The following STK40 variants were observed in gnomAD, a reference collection of about 807,000 sequenced individuals.
STK40 encodes the protein serine/threonine-protein kinase 40.
A neutral mutation model predicts 47.9 loss-of-function variants in STK40; 13 were observed. The observed-to-expected ratio is 0.27, with a 90% CI of 0.18 to 0.43. The LOEUF (loss-of-function observed/expected upper bound fraction) is 0.43, where lower values mean the gene tolerates loss of function less well. Among genes scored for constraint, STK40 ranks in the 20% least tolerant of loss-of-function variants. The pLI is 1.00. For missense variants in STK40, 460 were observed against 595.1 expected, an observed-to-expected ratio of 0.77 and a Z score of 2.36; for synonymous variants, 225 against 243.2, an observed-to-expected ratio of 0.93 and a Z score of 0.69.
chr1:36,368,664 G>A (rs1646920754), intron 1 of STK40, among the ~76,000 whole-genome samples: 1 of 152,070 alleles, frequency 6.6e-6, no homozygotes, highest in African/African-American at 2.4e-5. Context: ...ATCCATGTCA[G>A]ACAGTTAAAG....
chr1:36,349,852 C>T (rs1206764135), intron 6 of STK40, among the ~76,000 whole-genome samples: 1 of 152,196 alleles, frequency 6.6e-6, no homozygotes, highest in African/African-American at 2.4e-5. Flanking sequence ...GGATGCCTCT[C>T]TACCCAACTG....
At position 36,341,524 on chromosome 1, in the gene STK40, T is replaced by G. The variant is rs898095993; in HGVS notation, c.*231A>C. On this transcript the variant is annotated 3_prime_UTR_variant, in exon 11 of 11. Coordinates refer to ENST00000373132, the MANE Select transcript of STK40 (RefSeq NM_001282547.2). ...TAAAACATCGTGATTAAAAGCAGAT[T>G]AGTTATCTAGGCTTCTCAGATTTAA... The G allele has an allele frequency of 3.5e-6, 2 of 572,976 alleles. No homozygotes were observed. The highest frequency in any genetic ancestry group is 1.9e-5 in the African/African-American group (1 of 53,302). 35.5% of individuals were successfully genotyped at this position (572,976 alleles called of 1,614,324 possible). A position where few individuals can be genotyped will look rare whatever the true frequency, so the allele number is the denominator to read the frequency against.
At chr1:36,372,353 G>A (rs755517320) in intron 1 of STK40, among the ~76,000 whole-genome samples, 2 of 147,778 alleles carry the variant, frequency 1.4e-5, no homozygotes, top group Non-Finnish European at 3.0e-5. Flanking sequence ...CTGCTTGAGC[G>A]CAGGAGTTTG....
chr1:36,357,139 C>G (rs1240275973), intron 4 of STK40, among the ~76,000 whole-genome samples: 3 of 152,326 alleles, frequency 2.0e-5, no homozygotes, highest in African/African-American at 4.8e-5. Flanking sequence ...GTGCTTGACA[C>G]AATCTCATTC....
At chr1:36,372,940 T>G (rs1315998744) in intron 1 of STK40, among the ~76,000 whole-genome samples, 1 of 152,144 alleles carries the variant, frequency 6.6e-6, no homozygotes, top group Non-Finnish European at 1.5e-5. Context: ...AGACCTGCTC[T>G]CCATCCACAA....
intron 4 of STK40, 127 bp from the exon 5 acceptor site, chr1:36,355,560 C>A: frequency 9.7e-7 from 1 of 1,031,244 alleles, no homozygotes; most frequent in Admixed American, 1.9e-5. Flanking sequence ...CCTGCATGTG[C>A]GGGCCAGAGA....
intron 2 of STK40, among the ~76,000 whole-genome samples, chr1:36,359,818 C>T (rs1180460481): frequency 2.0e-5 from 3 of 152,226 alleles, no homozygotes; most frequent in African/African-American, 4.8e-5. Flanking sequence ...ATTCCCTGTC[C>T]CATGCCACAC....
intron 10 of STK40, chr1:36,342,237 G>A (rs1188378044): frequency 9.9e-6 from 5 of 503,740 alleles, no homozygotes; most frequent in South Asian, 6.4e-5. Context: ...CACTGGCTGC[G>A]TGAGAGGTCA....
intron 1 of STK40, among the ~76,000 whole-genome samples, chr1:36,371,648 G>A (rs1004301537): frequency 2.3e-5 from 3 of 129,636 alleles, no homozygotes; most frequent in Non-Finnish European, 4.7e-5. Context: ...TCCTGCCACT[G>A]TACTCCAGCC....
intron 6 of STK40, among the ~76,000 whole-genome samples, chr1:36,352,374 T>A (rs1646766345): frequency 6.6e-6 from 1 of 152,192 alleles, no homozygotes. Context: ...CAGGCCAATC[T>A]TCCCAGGAAG....
At chr1:36,346,155 C>A (rs551688632) in intron 7 of STK40, among the ~76,000 whole-genome samples, 6 of 150,670 alleles carry the variant, frequency 4.0e-5, no homozygotes, top group Non-Finnish European at 8.9e-5. Flanking sequence ...CCACCACGCC[C>A]GGCTAATTTT....
At chr1:36,374,381 T>C (rs1380577350) in intron 1 of STK40, among the ~76,000 whole-genome samples, 2 of 152,192 alleles carry the variant, frequency 1.3e-5, no homozygotes, top group East Asian at 1.9e-4. Context: ...AGAGAGAAGC[T>C]TTCTCTGCAG....
intron 7 of STK40, 94 bp from the exon 8 acceptor site, chr1:36,344,358 C>T: frequency 1.4e-6 from 2 of 1,470,932 alleles, no homozygotes; most frequent in Non-Finnish European, 1.8e-6. Flanking sequence ...ACCTGCCACC[C>T]TCACTTCCAG....
chr1:36,355,499 G>A lies in STK40; in HGVS notation c.343-66C>T, dbSNP rs951277115. The A allele has an allele frequency of 1.2e-5, 19 of 1,531,876 alleles. No homozygotes were observed. The Middle Eastern group carries it at 5.3e-4, about 43-fold the overall frequency. 94.9% of individuals were successfully genotyped at this position (1,531,876 alleles called of 1,614,324 possible). ...TGGCAGGGCCAAGGCCAGGGCCTGG[G>A]ACTCTCCTCTGGAGTGGGACACTCA... On this transcript the variant is annotated intron_variant, in intron 4 of 10. Coordinates refer to ENST00000373132, the MANE Select transcript of STK40 (RefSeq NM_001282547.2).
At chr1:36,367,971 C>T in intron 1 of STK40, 1 of 716,042 alleles carries the variant, frequency 1.4e-6, no homozygotes, top group African/African-American at 1.9e-5. Context: ...GGAATTCAGA[C>T]CTGGTGCCTC....
At chr1:36,357,866 C>T (rs888997610) in intron 4 of STK40, among the ~76,000 whole-genome samples, 1 of 152,206 alleles carries the variant, frequency 6.6e-6, no homozygotes, top group Admixed American at 6.5e-5. Flanking sequence ...CTGCCCACCT[C>T]GGCTTCCCAC....
chr1:36,342,593 G>C (rs565964946), intron 10 of STK40: 1 of 158,368 alleles, frequency 6.3e-6, no homozygotes, highest in Non-Finnish European at 1.4e-5. Context: ...CACAGGCCAC[G>C]CAGGCCCGCA....
chr1:36,358,923 AC>A, intron 2 of STK40, 101 bp from the exon 3 acceptor site: 1 of 1,317,386 alleles, frequency 7.6e-7, no homozygotes, highest in South Asian at 1.2e-5. Context: ...TCAGGAGGGC[AC>A]CATAGCTCAT....
At chr1:36,363,460 T>C (rs1646871050) in intron 1 of STK40, among the ~76,000 whole-genome samples, 1 of 152,154 alleles carries the variant, frequency 6.6e-6, no homozygotes, top group East Asian at 1.9e-4. Flanking sequence ...GGTACAAATA[T>C]ACAGTGATTT....
Sources: gnomAD v4.1 joint callset for allele counts (sites outside exome capture counted in the v4.1 genomes callset) on GRCh38, gnomAD v4.1.1 for gene constraint, MANE v1.5 for transcripts, NCBI Gene and HGNC (gene_info 2026-07-23, HGNC 2026-07-21) for gene names.